FAM184A: variants seen among roughly 807,000 people sequenced by gnomAD.
FAM184A encodes protein FAM184A.
A neutral mutation model predicts 143.8 loss-of-function variants in FAM184A; 99 were observed. The observed-to-expected ratio is 0.69, with a 90% CI of 0.58 to 0.81. The LOEUF (loss-of-function observed/expected upper bound fraction) is 0.81, where lower values mean the gene tolerates loss of function less well. Ranked by LOEUF, FAM184A falls within the 40% of genes least tolerant of loss-of-function variation. FAM184A has a pLI of 0.00. For missense variants in FAM184A, 1,217 were observed against 1,310.5 expected, an observed-to-expected ratio of 0.93 and a Z score of 1.10; for synonymous variants, 427 against 446.4, an observed-to-expected ratio of 0.96 and a Z score of 0.55.
At chr6:119,038,516 G>A (rs2114722409) in intron 1 of FAM184A, among the ~76,000 whole-genome samples, 1 of 152,256 alleles carries the variant, frequency 6.6e-6, no homozygotes, top group South Asian at 2.1e-4. Flanking sequence ...TGTCCTCACT[G>A]CAACACTCCC....
intron 1 of FAM184A, among the ~76,000 whole-genome samples, chr6:119,144,918 TCTA>T (rs1772376742): frequency 6.6e-6 from 1 of 152,208 alleles, no homozygotes; most frequent in South Asian, 2.1e-4. Context: ...TGCAACTAAT[TCTA>T]CTGAGAGTTT....
chr6:119,104,701 A>G (rs990313352), intron 1 of FAM184A, among the ~76,000 whole-genome samples: 2 of 152,222 alleles, frequency 1.3e-5, no homozygotes, highest in Non-Finnish European at 2.9e-5. Flanking sequence ...TACATATAAA[A>G]TTAAATGGCT....
Position 119,006,196 on chromosome 6 carries a change from A to G in FAM184A, c.1815+251T>C, listed in dbSNP as rs943480846. ...CAGAAGCTGGAAAATACAAGGACGG[A>G]TCTTCCCTTAGAGTTTAGGAAGGAA... On this transcript the variant is annotated intron_variant, in intron 7 of 17. Coordinates refer to ENST00000338891, the MANE Select transcript of FAM184A (RefSeq NM_024581.6). 5 of 764,576 alleles carry G rather than the reference A, an allele frequency of 6.5e-6. No homozygotes were observed. The African/African-American group carries it at 6.8e-5, about 10-fold the overall frequency. The allele number at this position is 764,576 out of a possible 1,614,324, so 47.4% of individuals were successfully genotyped here. A position where few individuals can be genotyped will look rare whatever the true frequency, so the allele number is the denominator to read the frequency against.
Position 119,078,415 on chromosome 6 carries a change from G to T in FAM184A, c.-116C>A, listed in dbSNP as rs1283518076. 3.6e-6 allele frequency: 4 copies of T among 1,104,864 alleles called. No individual in the cohort carries two copies. Among genetic ancestry groups the T allele is most frequent in the Non-Finnish European group, 4.8e-6 (4 of 831,410 alleles). 68.4% of individuals were successfully genotyped at this position (1,104,864 alleles called of 1,614,324 possible). The stretch of plus-strand genomic sequence containing the variant: ...GCCGCTTCCCGACCCGACACCCGGC[G>T]CCCCCCAGACTCGGCCGCAGGCGCC... On this transcript the variant is annotated 5_prime_UTR_variant, in exon 1 of 18. Transcript: ENST00000338891. This position sits in a 1 kb window ranked among gnomAD's most constrained non-coding sequence, Gnocchi z 5.5.
chr6:119,113,991 T>A (rs1788997596), intron 1 of FAM184A, among the ~76,000 whole-genome samples: 1 of 152,208 alleles, frequency 6.6e-6, no homozygotes, highest in Admixed American at 6.6e-5. Flanking sequence ...GTTATAATTT[T>A]TCTATTTTAT....
intron 1 of FAM184A, among the ~76,000 whole-genome samples, chr6:119,122,105 A>G (rs1789229795): frequency 6.6e-6 from 1 of 152,068 alleles, no homozygotes; most frequent in African/African-American, 2.4e-5. Context: ...TATCAGAGTG[A>G]ATTAATTAAT....
intron 1 of FAM184A, among the ~76,000 whole-genome samples, chr6:119,117,950 C>T (rs1181012933): frequency 6.6e-6 from 1 of 152,150 alleles, no homozygotes; most frequent in Non-Finnish European, 1.5e-5. Flanking sequence ...AGTCAGGGAC[C>T]AGAGAGCTGG....
intron 3 of FAM184A, among the ~76,000 whole-genome samples, chr6:119,021,481 A>G (rs917282300): frequency 1.3e-5 from 2 of 152,228 alleles, no homozygotes; most frequent in African/African-American, 4.8e-5. Flanking sequence ...ACAAACTTCA[A>G]CTAATTTGAG....
chr6:119,055,913 C>T (rs547804345), intron 1 of FAM184A, among the ~76,000 whole-genome samples: 1 of 151,462 alleles, frequency 6.6e-6, no homozygotes, highest in Non-Finnish European at 1.5e-5. Flanking sequence ...TGGGGCCTGG[C>T]CTTTATTATA....
chr6:119,084,375 G>C (rs1433499137), intron 1 of FAM184A, among the ~76,000 whole-genome samples: 1 of 152,202 alleles, frequency 6.6e-6, no homozygotes, highest in South Asian at 2.1e-4. Flanking sequence ...TTGAAACCCA[G>C]CAAGGCAGTC....
chr6:119,051,485 A>G (rs1786764059), intron 1 of FAM184A, among the ~76,000 whole-genome samples: 1 of 152,258 alleles, frequency 6.6e-6, no homozygotes, highest in East Asian at 1.9e-4. Context: ...TAGGATAACT[A>G]TAGTCAATAA....
chr6:119,020,440 G>GT (rs1362113272), intron 3 of FAM184A, among the ~76,000 whole-genome samples: 8 of 151,316 alleles, frequency 5.3e-5, no homozygotes, highest in Admixed American at 5.3e-4. Context: ...TTTTGTTTTT[G>GT]TTTTTTTAAG....
At chr6:119,098,147 TAGTG>T (rs1457873965) in intron 1 of FAM184A, among the ~76,000 whole-genome samples, 1 of 152,162 alleles carries the variant, frequency 6.6e-6, no homozygotes, top group Admixed American at 6.5e-5. Flanking sequence ...GTACTCGTGG[TAGTG>T]AGTAAGTCTC....
intron 14 of FAM184A, among the ~76,000 whole-genome samples, chr6:118,967,725 G>C (rs541638648): frequency 6.6e-6 from 1 of 152,132 alleles, no homozygotes; most frequent in East Asian, 1.9e-4. Flanking sequence ...TTCAGAAAAA[G>C]CACTTTCAAT....
At chr6:118,988,450 C>T (rs890798836) in intron 9 of FAM184A, among the ~76,000 whole-genome samples, 2 of 152,168 alleles carry the variant, frequency 1.3e-5, no homozygotes, top group African/African-American at 4.8e-5. Flanking sequence ...TATTACTGTT[C>T]TAAATTCCTC....
chr6:118,976,428 C>T (rs1008264116), intron 11 of FAM184A, among the ~76,000 whole-genome samples: 2 of 151,850 alleles, frequency 1.3e-5, no homozygotes, highest in East Asian at 1.9e-4. Context: ...TTTGGGAGGC[C>T]GAGGTGGGTG....
intron 1 of FAM184A, among the ~76,000 whole-genome samples, chr6:119,063,497 T>C (rs536072755): frequency 1.3e-5 from 2 of 152,350 alleles, no homozygotes; most frequent in South Asian, 4.1e-4. Flanking sequence ...AGAATGTGCA[T>C]GTTCAGTGTT....
intron 1 of FAM184A, among the ~76,000 whole-genome samples, chr6:119,049,929 T>C (rs1786685519): frequency 1.3e-5 from 2 of 152,182 alleles, no homozygotes; most frequent in Admixed American, 1.3e-4. Flanking sequence ...TCTTGCAAAC[T>C]ATGCATCTGA....
At chr6:118,973,447 G>C (rs1021864238) in intron 14 of FAM184A, among the ~76,000 whole-genome samples, 2 of 152,194 alleles carry the variant, frequency 1.3e-5, no homozygotes, top group Non-Finnish European at 2.9e-5. Flanking sequence ...CTGATAAAAA[G>C]ACAGAATAAG....
Sources: allele counts gnomAD v4.1 joint callset (sites outside exome capture counted in the v4.1 genomes callset), GRCh38; gene constraint gnomAD v4.1.1; non-coding constraint Gnocchi (gnomAD v3.1); transcripts MANE v1.5; gene names NCBI Gene and HGNC (gene_info 2026-07-23, HGNC 2026-07-21).